Variants in HSD17B4 observed in about 807,000 individuals in gnomAD.
HSD17B4 encodes peroxisomal multifunctional enzyme type 2.
HSD17B4 carries 70 observed loss-of-function variants against 101.0 expected under a neutral mutation model. The observed-to-expected ratio is 0.69, with a 90% CI of 0.57 to 0.85. HSD17B4 has a LOEUF of 0.85. Among genes scored for constraint, HSD17B4 ranks in the 40% least tolerant of loss-of-function variants. HSD17B4 has a pLI of 0.00. For synonymous variants in HSD17B4, 347 were observed against 297.1 expected (o/e 1.17, Z -1.73); for missense variants, 984 against 892.4 (o/e 1.10, Z -1.31).
At chr5:119,540,722 C>T (rs1754919908) in intron 23 of HSD17B4, among the ~76,000 whole-genome samples, 1 of 152,158 alleles carries the variant, frequency 6.6e-6, no homozygotes, top group Non-Finnish European at 1.5e-5. Flanking sequence ...GCCTTTTCTC[C>T]AGTTCACGAG....
intron 20 of HSD17B4, among the ~76,000 whole-genome samples, 167 bp downstream of exon 20, chr5:119,527,386 A>G (rs1047497736): frequency 6.6e-6 from 1 of 152,066 alleles, no homozygotes. Context: ...TTTATTTATC[A>G]GGCAACACTT....
chr5:119,491,666 T>G lies in HSD17B4; in HGVS notation c.715-434T>G, dbSNP rs563664845. On this transcript the variant is annotated intron_variant, in intron 9 of 23. Transcript: ENST00000510025. The stretch of plus-strand genomic sequence containing the variant: ...TTGGTTTTCTTTGTAATTCAGTAGG[T>G]CCTTCAAGAGGGACATTTATTTGGA... Among the ~76,000 whole-genome samples, 3 of 152,300 alleles carry G rather than the reference T, an allele frequency of 2.0e-5. No homozygotes were observed. The South Asian group carries it at 6.2e-4, about 32-fold the overall frequency.
intron 2 of HSD17B4, among the ~76,000 whole-genome samples, chr5:119,467,968 A>G (rs566714048): frequency 5.9e-5 from 9 of 152,304 alleles, no homozygotes; most frequent in Non-Finnish European, 1.3e-4. Flanking sequence ...ATAGTTGAGT[A>G]TTTAAAAAAA....
intron 23 of HSD17B4, among the ~76,000 whole-genome samples, chr5:119,538,804 A>G (rs1038202739): frequency 6.6e-6 from 1 of 152,150 alleles, no homozygotes; most frequent in African/African-American, 2.4e-5. Context: ...CATTTCATCC[A>G]AAGTAGTTTC....
chr5:119,481,832 A>G (rs1749164805), intron 8 of HSD17B4, among the ~76,000 whole-genome samples: 2 of 152,312 alleles, frequency 1.3e-5, no homozygotes, highest in South Asian at 4.1e-4. Flanking sequence ...TGTATTTCAC[A>G]TCACTTTCCT....
intron 14 of HSD17B4, among the ~76,000 whole-genome samples, chr5:119,503,180 A>G (rs576592802): frequency 2.0e-5 from 3 of 151,518 alleles, no homozygotes; most frequent in East Asian, 3.9e-4. Flanking sequence ...AGCTCCTTAC[A>G]TGTTTCATAT....
intron 8 of HSD17B4, among the ~76,000 whole-genome samples, chr5:119,485,994 AAGCTT>A (rs1213009519): frequency 6.6e-6 from 1 of 152,122 alleles, no homozygotes; most frequent in Non-Finnish European, 1.5e-5. Flanking sequence ...AGTCATTTGA[AAGCTT>A]GGCTTGGAGG....
At chr5:119,527,071 C>G in intron 19 of HSD17B4, 62 bp from the exon 20 acceptor site, 1 of 952,666 alleles carries the variant, frequency 1.0e-6, no homozygotes, top group Non-Finnish European at 1.7e-6. Context: ...CCAATTTTTT[C>G]CTCCTACAAG....
rs1306743698 is a variant in HSD17B4, at chr5:119,452,542, C to G, written c.-34C>G. 1 of 1,613,660 alleles carries G rather than the reference C, an allele frequency of 6.2e-7. No individual in the cohort carries two copies. Among genetic ancestry groups the G allele is most frequent in the Non-Finnish European group, 8.5e-7 (1 of 1,179,986 alleles). ...CCGCAGTCGGCGTCCAGCGGCTCTG[C>G]TTGTTCGTGTGTGTGTCGTTGCAGG... is the stretch of plus-strand genomic sequence containing the variant. On this transcript the variant is annotated 5_prime_UTR_variant, in exon 1 of 24. Transcript: ENST00000510025.
At chr5:119,525,782 C>A (rs1753538058) in intron 18 of HSD17B4, 135 bp from the exon 19 acceptor site, 4 of 595,276 alleles carry the variant, frequency 6.7e-6, no homozygotes, top group East Asian at 3.1e-5. Context: ...AAAATATCTA[C>A]TGTGTTTCTT....
intron 13 of HSD17B4, among the ~76,000 whole-genome samples, chr5:119,501,402 T>C (rs1227080617): frequency 6.6e-6 from 1 of 151,830 alleles, no homozygotes; most frequent in African/African-American, 2.4e-5. Context: ...TTTGAGTGTA[T>C]GCTTCAAGTT....
chr5:119,530,272 G>A (rs915157832), intron 21 of HSD17B4, among the ~76,000 whole-genome samples: 6 of 152,130 alleles, frequency 3.9e-5, no homozygotes, highest in South Asian at 2.1e-4. Context: ...AGCAAACAGC[G>A]TTTTGGAGAA....
chr5:119,506,010 G>A (rs1751613438), intron 14 of HSD17B4, among the ~76,000 whole-genome samples: 2 of 152,000 alleles, frequency 1.3e-5, no homozygotes, highest in African/African-American at 4.8e-5. Context: ...GTGAGTTCAG[G>A]AACATTATTA....
At chr5:119,482,895 G>A (rs1390489146) in intron 8 of HSD17B4, among the ~76,000 whole-genome samples, 1 of 151,230 alleles carries the variant, frequency 6.6e-6, no homozygotes, top group African/African-American at 2.4e-5. Flanking sequence ...GACTTTTTTA[G>A]CCTTTTTTTT....
At chr5:119,494,079 T>C (rs1013442916) in intron 11 of HSD17B4, 133 bp downstream of exon 11, 3 of 837,784 alleles carry the variant, frequency 3.6e-6, no homozygotes, top group Non-Finnish European at 6.0e-6. Context: ...TATTTTCTGC[T>C]CTAGTAGGTA....
chr5:119,499,034 G>GC (rs1280157627), intron 12 of HSD17B4, among the ~76,000 whole-genome samples: 1 of 152,132 alleles, frequency 6.6e-6, no homozygotes, highest in Non-Finnish European at 1.5e-5. Flanking sequence ...TTTTTGGGTA[G>GC]CTAATAGTTG....
At chr5:119,492,441 A>C (rs1317802465) in intron 10 of HSD17B4, 1 of 295,658 alleles carries the variant, frequency 3.4e-6, no homozygotes, top group East Asian at 6.6e-5. Context: ...TTGACTTCCC[A>C]CATGCTCGTT....
intron 2 of HSD17B4, among the ~76,000 whole-genome samples, chr5:119,463,425 A>G (rs1219537039): frequency 6.6e-6 from 1 of 151,100 alleles, no homozygotes. Context: ...TTTTTGAATA[A>G]CCTCCATACT....
intron 18 of HSD17B4, among the ~76,000 whole-genome samples, chr5:119,525,529 G>A (rs954854773): frequency 2.0e-5 from 3 of 152,150 alleles, no homozygotes; most frequent in South Asian, 2.1e-4. Context: ...ATAGGACCAC[G>A]AGGGTGGGTG....
Sources: gnomAD v4.1 joint callset for allele counts (sites outside exome capture counted in the v4.1 genomes callset) on GRCh38, gnomAD v4.1.1 for gene constraint, MANE v1.5 for transcripts, NCBI Gene and HGNC (gene_info 2026-07-23, HGNC 2026-07-21) for gene names.